ADAMTS2: variants seen among roughly 807,000 people sequenced by gnomAD.
ADAMTS2 encodes the protein ADAM metallopeptidase with thrombospondin type 1 motif 2.
ADAMTS2 carries 50 observed loss-of-function variants against 123.0 expected under a neutral mutation model. The observed-to-expected ratio is 0.41, with a 90% CI of 0.32 to 0.51. The LOEUF is 0.51. Ranked by LOEUF, ADAMTS2 falls within the 20% of genes least tolerant of loss-of-function variation. ADAMTS2 has a pLI of 0.35. For synonymous variants in ADAMTS2, 678 were observed against 695.4 expected (o/e 0.98, Z 0.39); for missense variants, 1,494 against 1,705.2 (o/e 0.88, Z 2.18).
At chr5:179,318,474 G>T (rs1228066938) in intron 2 of ADAMTS2, among the ~76,000 whole-genome samples, 1 of 152,132 alleles carries the variant, frequency 6.6e-6, no homozygotes, top group African/African-American at 2.4e-5. Flanking sequence ...GGAGGGACAG[G>T]GCCCACTGCA....
At position 179,257,854 on chromosome 5, in the gene ADAMTS2, G is replaced by A. The variant is rs114691839; in HGVS notation, c.688+15057C>T. On this transcript the variant is annotated intron_variant, in intron 3 of 21. Transcript: ENST00000251582. ...GCCCCGGGCTGCTCAACCCTTACAC[G>A]GCTTTCACAAATTTTGAATTAGCTG... Among the ~76,000 whole-genome samples, 717 of 152,224 alleles carry A rather than the reference G, an allele frequency of 4.7e-3. 8 individuals are homozygous for A. Among genetic ancestry groups the A allele is most frequent in the African/African-American group, 0.012 (506 of 41,546 alleles).
intron 4 of ADAMTS2, among the ~76,000 whole-genome samples, chr5:179,204,794 C>A (rs963794174): frequency 6.6e-6 from 1 of 152,216 alleles, no homozygotes; most frequent in African/African-American, 2.4e-5. Context: ...AGACCCCCCG[C>A]TGACCCTCCG....
intron 5 of ADAMTS2, among the ~76,000 whole-genome samples, chr5:179,161,878 A>G (rs1561784350): frequency 6.6e-6 from 1 of 152,248 alleles, no homozygotes; most frequent in Non-Finnish European, 1.5e-5. Context: ...TGACTTTTTA[A>G]CATACATTTT....
Position 179,345,211 on chromosome 5 carries a change from CG to C in ADAMTS2, c.117del (p.Ala40ProfsTer125). On this transcript the variant is annotated frameshift_variant, in exon 1 of 22. Transcript: ENST00000251582. LOFTEE classifies it high-confidence loss of function. The surrounding 1 kb of genome is among the most constrained non-coding windows in gnomAD (Gnocchi z 7.5). ...CTACCTGGGGGGTCGGCGGCGGCGG[CG>C]AGCCTGGCGTTCGCGGGCGGCGGCG... is the stretch of plus-strand genomic sequence containing the variant. Reference protein sequence around the residue: ...PPPPPPANARLAAAADPPGGP... With the variant: ...PPPPPPANARXAAAADPPGGP... 1 of 1,116,878 alleles carries C rather than the reference CG, an allele frequency of 9.0e-7. No individual in the cohort carries two copies. The allele number at this position is 1,116,878 out of a possible 1,614,324, so 69.2% of individuals were successfully genotyped here.
intron 2 of ADAMTS2, among the ~76,000 whole-genome samples, chr5:179,335,659 A>G (rs1344254633): frequency 6.6e-6 from 1 of 152,254 alleles, no homozygotes; most frequent in African/African-American, 2.4e-5. Context: ...ATGTAAATAC[A>G]TACCAATATG....
chr5:179,207,628 C>T lies in ADAMTS2; in HGVS notation c.776G>A (p.Arg259Lys), dbSNP rs1459945140. The T allele has an allele frequency of 1.2e-6, 2 of 1,613,722 alleles. No individual in the cohort carries two copies. Among genetic ancestry groups the T allele is most frequent in the Non-Finnish European group, 1.7e-6 (2 of 1,180,040 alleles). ...GTTGTAGTCATCGTCCGCAGCATGC[C>T]TGCGTGCCCTCCGCCTCGAGCTGTT... ...HANSSRRRAR[R>K]HAADDDYNIE... Residue 259 changes from arginine (R) to lysine (K), a missense_variant, in exon 4 of 22, where the codon AGG becomes AAG. By Grantham distance (26) the Arg-to-Lys change is conservative. Transcript: ENST00000251582.
At position 179,189,281 on chromosome 5, in the gene ADAMTS2, A is replaced by C. The variant is rs566663132; in HGVS notation, c.892-8126T>G. Among the ~76,000 whole-genome samples the C allele has an allele frequency of 1.8e-4, 27 of 152,142 alleles. No homozygotes were observed. Among genetic ancestry groups the C allele is most frequent in the African/African-American group, 6.3e-4 (26 of 41,474 alleles). ...GCAGGTGGGCTGAGTCCAAAAAGAG[A>C]GTCAGCAAAGGGTGGTGGGACTACC... On this transcript the variant is annotated intron_variant, in intron 4 of 21. Coordinates refer to ENST00000251582, the MANE Select transcript of ADAMTS2 (RefSeq NM_014244.5). The surrounding 1 kb of genome is among the most constrained non-coding windows in gnomAD (Gnocchi z 4.2).
rs756540143 is a variant in ADAMTS2 at position 179,154,799 on chromosome 5, C to A, written c.1238+15G>T. On this transcript the variant is annotated intron_variant, in intron 7 of 21. Coordinates refer to ENST00000251582, the MANE Select transcript of ADAMTS2 (RefSeq NM_014244.5). ...GGTGGCCCCTCTGTGCCCCACCCTTCCCCAGGCCACTTACACGTGGCCAGT... is the reference window on the plus strand; with the variant it reads ...GGTGGCCCCTCTGTGCCCCACCCTTACCCAGGCCACTTACACGTGGCCAGT... The A allele has an allele frequency of 3.8e-6, 6 of 1,599,142 alleles. No homozygotes were observed. Among genetic ancestry groups the A allele is most frequent in the Non-Finnish European group, 5.1e-6 (6 of 1,172,438 alleles).
chr5:179,207,487 C>A, intron 4 of ADAMTS2, 26 bp downstream of exon 4: 1 of 1,229,912 alleles, frequency 8.1e-7, no homozygotes, highest in South Asian at 1.2e-5. Flanking sequence ...CCCGCCCCAC[C>A]CTGCCCCCTC....
At position 179,256,349 on chromosome 5, in the gene ADAMTS2, G is replaced by C. The variant is rs1289397328; in HGVS notation, c.688+16562C>G. On this transcript the variant is annotated intron_variant, in intron 3 of 21. Transcript: ENST00000251582. The surrounding 1 kb of genome is among the most constrained non-coding windows in gnomAD (Gnocchi z 4.1). ...AGGCCTGCCATGGAGCTTTGGGCCT[G>C]AGGCCTCAGCTGAGGCCAAGGCAGC... Among the ~76,000 whole-genome samples the C allele has an allele frequency of 6.6e-6, 1 of 152,142 alleles. No homozygotes were observed. Among genetic ancestry groups the C allele is most frequent in the Non-Finnish European group, 1.5e-5 (1 of 68,022 alleles).
Position 179,332,863 on chromosome 5 carries a change from C to T in ADAMTS2, c.534+10904G>A, listed in dbSNP as rs1757517195. ...AGGAGGATGCCTACCACTGCCCCCA[C>T]CTTGCCCTGATCAGGTCTGCAGGAT... On this transcript the variant is annotated intron_variant, in intron 2 of 21. Coordinates refer to ENST00000251582, the MANE Select transcript of ADAMTS2 (RefSeq NM_014244.5). This position sits in a 1 kb window ranked among gnomAD's most constrained non-coding sequence, Gnocchi z 4.2. 6.6e-6 allele frequency among the ~76,000 whole-genome samples: 1 copy of T among 152,182 alleles called. No homozygotes were observed. Among genetic ancestry groups the T allele is most frequent in the Admixed American group, 6.5e-5 (1 of 15,286 alleles).
Position 179,132,803 on chromosome 5 carries a change from G to C in ADAMTS2, c.2183C>G (p.Thr728Arg). The change falls in exon 14 of 22, where the codon ACG becomes AGG. Residue 728 changes from threonine to arginine, a missense_variant. Coordinates refer to ENST00000251582, the MANE Select transcript of ADAMTS2 (RefSeq NM_014244.5). This position sits in a 1 kb window ranked among gnomAD's most constrained non-coding sequence, Gnocchi z 6.1. ...ATGCTTCTTGGGTGACCGTGTGAAC[G>C]TGCCCTTGACCACTTTGCAGTGGCT... is the stretch of plus-strand genomic sequence containing the variant. ...DNSHCKVVKG[T>R]FTRSPKKHGY... is the part of the protein sequence containing the mutation. 6.2e-7 allele frequency: 1 copy of C among 1,614,090 alleles called. No individual in the cohort carries two copies. The highest frequency in any genetic ancestry group is 1.1e-5 in the South Asian group (1 of 91,084).
At chr5:179,223,930 G>T (rs1307746254) in intron 3 of ADAMTS2, among the ~76,000 whole-genome samples, 1 of 152,224 alleles carries the variant, frequency 6.6e-6, no homozygotes. Flanking sequence ...AAGTCCCCAG[G>T]TACCCACATG....
At chr5:179,194,406 A>G (rs1764374163) in intron 4 of ADAMTS2, among the ~76,000 whole-genome samples, 1 of 152,134 alleles carries the variant, frequency 6.6e-6, no homozygotes, top group South Asian at 2.1e-4. Context: ...CGGGTGCACT[A>G]AGGGAGTGAG....
chr5:179,138,717 G>A (rs909053829), intron 11 of ADAMTS2, among the ~76,000 whole-genome samples: 3 of 152,220 alleles, frequency 2.0e-5, no homozygotes, highest in East Asian at 1.9e-4. Flanking sequence ...ATCCATGCAC[G>A]AGCGTGTTCA....
At chr5:179,205,922 C>T (rs1764678088) in intron 4 of ADAMTS2, among the ~76,000 whole-genome samples, 2 of 152,030 alleles carry the variant, frequency 1.3e-5, no homozygotes, top group South Asian at 4.1e-4. Flanking sequence ...CAGGCGCCCG[C>T]CACCACGCCC....
intron 5 of ADAMTS2, among the ~76,000 whole-genome samples, chr5:179,179,694 G>A (rs1386782771): frequency 2.6e-5 from 4 of 152,146 alleles, no homozygotes; most frequent in Non-Finnish European, 5.9e-5. Context: ...ACTGGCATCC[G>A]CCCTGTGGGT....
intron 3 of ADAMTS2, among the ~76,000 whole-genome samples, chr5:179,264,641 A>G (rs995869879): frequency 2.6e-5 from 4 of 152,260 alleles, no homozygotes; most frequent in African/African-American, 7.2e-5. Flanking sequence ...AGGGAAGGAA[A>G]GAAAGTATCA....
chr5:179,119,323 G>A (rs748235863), intron 21 of ADAMTS2, among the ~76,000 whole-genome samples: 8 of 152,172 alleles, frequency 5.3e-5, no homozygotes, highest in African/African-American at 9.7e-5. Context: ...CCCCGGGCCC[G>A]GCCCTATGCC....
Sources: gnomAD v4.1 joint callset for allele counts (sites outside exome capture counted in the v4.1 genomes callset) on GRCh38, gnomAD v4.1.1 for gene constraint, Gnocchi (gnomAD v3.1) non-coding constraint, MANE v1.5 for transcripts, NCBI Gene and HGNC (gene_info 2026-07-23, HGNC 2026-07-21) for gene names.